Variants in FREM1 observed in about 807,000 individuals in gnomAD.
FREM1 encodes FRAS1-related extracellular matrix protein 1.
Under a neutral mutation model 210.1 loss-of-function variants are expected in FREM1, and 220 were observed. The ratio of observed to expected loss-of-function variants is 1.05; its 90% CI spans 0.94 to 1.17. The LOEUF (loss-of-function observed/expected upper bound fraction) is 1.17, where lower values mean the gene tolerates loss of function less well. FREM1 is among the 50% of genes most tolerant of loss of function. The pLI is 0.00. For missense variants in FREM1, 3,454 were observed against 2,675.5 expected, an observed-to-expected ratio of 1.29 and a Z score of -6.42; for synonymous variants, 1,189 against 980.2, an observed-to-expected ratio of 1.21 and a Z score of -3.98.
chr9:14,775,774 G>C lies in FREM1; in HGVS notation c.4857+15C>G. On this transcript the variant is annotated intron_variant, in intron 25 of 36. Transcript: ENST00000380880. ...TTCACATCTCTGGCAAATGAACTGT[G>C]TTTTTCATACTTGCCTGAATGGTGA... 7.5e-7 allele frequency: 1 copy of C among 1,341,184 alleles called. No individual in the cohort carries two copies. The highest frequency in any genetic ancestry group is 1.2e-5 in the South Asian group (1 of 84,864). 83.1% of individuals were successfully genotyped at this position (1,341,184 alleles called of 1,614,324 possible). A position where few individuals can be genotyped will look rare whatever the true frequency, so the allele number is the denominator to read the frequency against.
intron 27 of FREM1, among the ~76,000 whole-genome samples, chr9:14,761,914 G>C (rs1765145076): frequency 6.6e-6 from 1 of 152,130 alleles, no homozygotes; most frequent in Non-Finnish European, 1.5e-5. Flanking sequence ...CATGATAGTT[G>C]TTCTATTTTA....
intron 20 of FREM1, among the ~76,000 whole-genome samples, chr9:14,798,306 G>C (rs1176212729): frequency 1.3e-5 from 2 of 152,156 alleles, no homozygotes; most frequent in African/African-American, 2.4e-5. Flanking sequence ...TTTAAAGATA[G>C]TTGTATAAAA....
At chr9:14,772,162 ATTT>A in intron 25 of FREM1, among the ~76,000 whole-genome samples, 1 of 152,228 alleles carries the variant, frequency 6.6e-6, no homozygotes, top group East Asian at 1.9e-4. Flanking sequence ...AGAAACAGAT[ATTT>A]TTATATTTTG....
chr9:14,861,302 C>CATATATACATATAT (rs1451793034), intron 3 of FREM1, among the ~76,000 whole-genome samples: 1 of 109,790 alleles, frequency 9.1e-6, no homozygotes, highest in African/African-American at 5.4e-5. Context: ...TACATATATA[C>CATATATACATATAT]ACATATATAC....
chr9:14,844,843 T>G (rs556643812), intron 8 of FREM1, among the ~76,000 whole-genome samples: 2 of 152,230 alleles, frequency 1.3e-5, no homozygotes, highest in Non-Finnish European at 2.9e-5. Context: ...ACTTCTTTCA[T>G]TGTTCCTTCT....
chr9:14,787,973 G>T (rs1236731322), intron 23 of FREM1, among the ~76,000 whole-genome samples: 1 of 152,028 alleles, frequency 6.6e-6, no homozygotes, highest in African/African-American at 2.4e-5. Context: ...AACATCTCAA[G>T]ATCAAACTGA....
chr9:14,775,598 C>T (rs978279596), intron 25 of FREM1, among the ~76,000 whole-genome samples, 191 bp downstream of exon 25: 4 of 151,132 alleles, frequency 2.6e-5, no homozygotes, highest in Non-Finnish European at 4.4e-5. Context: ...GGCCCAGCTA[C>T]TCAGGAGGCT....
At chr9:14,752,474 G>A (rs1346161324) in intron 29 of FREM1, among the ~76,000 whole-genome samples, 3 of 152,146 alleles carry the variant, frequency 2.0e-5, no homozygotes, top group Admixed American at 6.5e-5. Flanking sequence ...CTGGGCACCT[G>A]GCCAGATTCA....
chr9:14,798,597 C>T (rs1400951541), intron 20 of FREM1, among the ~76,000 whole-genome samples: 1 of 152,052 alleles, frequency 6.6e-6, no homozygotes, highest in Admixed American at 6.6e-5. Context: ...GTGACAAAGT[C>T]ATCTCTTTTA....
intron 4 of FREM1, among the ~76,000 whole-genome samples, chr9:14,858,048 T>C (rs1407875988): frequency 6.6e-6 from 1 of 152,176 alleles, no homozygotes; most frequent in Admixed American, 6.5e-5. Flanking sequence ...GACCAGTGAC[T>C]CACTGCAGGC....
intron 10 of FREM1, among the ~76,000 whole-genome samples, chr9:14,831,926 G>A (rs924970237): frequency 2.0e-5 from 3 of 152,202 alleles, no homozygotes; most frequent in African/African-American, 7.2e-5. Flanking sequence ...GACGGACAGA[G>A]AATAGCTGGG....
chr9:14,739,477 ATTCATATATATAT>A (rs1208226223), intron 36 of FREM1, among the ~76,000 whole-genome samples: 15 of 106,002 alleles, frequency 1.4e-4, no homozygotes, highest in African/African-American at 4.9e-4. Flanking sequence ...TATATATATA[ATTCATATATATAT>A]ATTCATATAT....
In FREM1 at chr9:14,747,307, G is replaced by A. The variant is rs769002310; in HGVS notation, c.5966C>T (p.Ala1989Val). Residue 1989 changes from alanine (A) to valine (V), a missense_variant, in exon 33 of 37, where the codon GCA becomes GTA. Physicochemically the swap from Ala to Val is moderately conservative, Grantham distance 64. Transcript: ENST00000380880. ...KTIKVAELPQ[A>V]DKVESTTDSH... ...GTCAGTTGTGGATTCCACCTTATCT[G>A]CTTGAGGCAGTTCTGCCACTTTGAT... 6.2e-7 allele frequency: 1 copy of A among 1,613,632 alleles called. No homozygotes were observed. Among genetic ancestry groups the A allele is most frequent in the Non-Finnish European group, 8.5e-7 (1 of 1,179,772 alleles).
In FREM1 at chr9:14,756,378, G is replaced by T. The variant is rs1306411093; in HGVS notation, c.5403C>A (p.Asp1801Glu). 3 of 1,588,946 alleles carry T rather than the reference G, an allele frequency of 1.9e-6. No individual in the cohort carries two copies. Among genetic ancestry groups the T allele is most frequent in the Non-Finnish European group, 2.6e-6 (3 of 1,167,100 alleles). ...TVIPSKLIQF[D>E]PGMSTKMWNI... is the part of the protein sequence containing the mutation. ...AACTGCAGACACAAAATGTACCTGGGTCAAACTGAATCAGTTTAGATGGAA... is the reference window on the plus strand; with the variant it reads ...AACTGCAGACACAAAATGTACCTGGTTCAAACTGAATCAGTTTAGATGGAA... Residue 1801 changes from aspartate to glutamate, a missense_variant, in exon 29 of 37, where the codon GAC (aspartate) becomes GAA (glutamate). By Grantham distance (45) the Asp-to-Glu change is conservative. Transcript: ENST00000380880.
intron 30 of FREM1, among the ~76,000 whole-genome samples, chr9:14,749,714 T>C (rs1563828402): frequency 6.6e-6 from 1 of 152,204 alleles, no homozygotes; most frequent in African/African-American, 2.4e-5. Flanking sequence ...TTTTCTCCAA[T>C]TCCTTCCTCT....
At chr9:14,851,150 G>A (rs1827665085) in intron 6 of FREM1, 134 bp downstream of exon 6, 1 of 681,164 alleles carries the variant, frequency 1.5e-6, no homozygotes, top group Non-Finnish European at 2.4e-6. Flanking sequence ...CAGTGAGTGT[G>A]CATCCTGATT....
Position 14,792,323 on chromosome 9 carries a change from G to A in FREM1, c.3981+420C>T, listed in dbSNP as rs116688893. 3.7e-3 allele frequency among the ~76,000 whole-genome samples: 556 copies of A among 150,354 alleles called. 5 individuals carry two copies. Among genetic ancestry groups the A allele is most frequent in the African/African-American group, 0.013 (529 of 40,716 alleles). Reference sequence around the variant, plus strand: ...ACACACAGAGAGAGAGAGAGATTGAGAGAACAAGAAAGACTGTAGACTTGA... The same window carrying A: ...ACACACAGAGAGAGAGAGAGATTGAAAGAACAAGAAAGACTGTAGACTTGA... On this transcript the variant is annotated intron_variant, in intron 22 of 36. Coordinates refer to ENST00000380880, the MANE Select transcript of FREM1 (RefSeq NM_001379081.2).
At chr9:14,738,375 C>CA (rs1840792604) in intron 36 of FREM1, among the ~76,000 whole-genome samples, 1 of 151,880 alleles carries the variant, frequency 6.6e-6, no homozygotes, top group African/African-American at 2.4e-5. Flanking sequence ...TTACCTTCCC[C>CA]AACTGTTTTT....
intron 22 of FREM1, chr9:14,791,200 C>T (rs970663693): frequency 2.0e-5 from 3 of 152,172 alleles, no homozygotes; most frequent in African/African-American, 7.2e-5. Context: ...TCACGTTGGG[C>T]TGATCCTTGG....
Sources: gnomAD v4.1 joint callset for allele counts (sites outside exome capture counted in the v4.1 genomes callset) on GRCh38, gnomAD v4.1.1 for gene constraint, MANE v1.5 for transcripts, NCBI Gene and HGNC (gene_info 2026-07-23, HGNC 2026-07-21) for gene names.